Variants in TMEM108 observed in about 807,000 individuals in gnomAD.
TMEM108 encodes transmembrane protein 108.
A neutral mutation model predicts 35.1 loss-of-function variants in TMEM108; 12 were observed. The observed-to-expected ratio is 0.34, with a 90% CI of 0.22 to 0.55. The LOEUF is 0.55. TMEM108 is among the 20% of genes least tolerant of loss of function. TMEM108 has a pLI of 0.89. For synonymous variants in TMEM108, 287 were observed against 308.6 expected, an observed-to-expected ratio of 0.93 and a Z score of 0.73; for missense variants, 680 against 753.3, an observed-to-expected ratio of 0.90 and a Z score of 1.14.
chr3:133,268,702 T>C (rs1946731433), intron 3 of TMEM108, among the ~76,000 whole-genome samples: 2 of 152,194 alleles, frequency 1.3e-5, no homozygotes, highest in African/African-American at 2.4e-5. Context: ...GGAAACCTAC[T>C]GAATACTTCT....
chr3:133,190,742 G>C (rs1945486163), intron 2 of TMEM108, among the ~76,000 whole-genome samples: 1 of 152,194 alleles, frequency 6.6e-6, no homozygotes, highest in South Asian at 2.1e-4. Flanking sequence ...GGTACAAGAA[G>C]AGACCTGGCA....
intron 2 of TMEM108, among the ~76,000 whole-genome samples, chr3:133,209,289 C>T (rs1036605339): frequency 1.1e-4 from 16 of 151,910 alleles, no homozygotes; most frequent in Non-Finnish European, 8.8e-5. Flanking sequence ...GCCTTCCTGC[C>T]TTGGCCTTCC....
intron 3 of TMEM108, among the ~76,000 whole-genome samples, chr3:133,369,667 C>T (rs2072600640): frequency 6.6e-6 from 1 of 152,236 alleles, no homozygotes; most frequent in African/African-American, 2.4e-5. Flanking sequence ...TCCCTCCTCT[C>T]TCTAAGTGGA....
chr3:133,057,433 G>GTA (rs1339944247), intron 2 of TMEM108, among the ~76,000 whole-genome samples: 407 of 24,770 alleles, frequency 0.016, 15 homozygotes, highest in African/African-American at 0.034. Flanking sequence ...GTGTGTGTGT[G>GTA]TGTATATATA....
rs146068519 is a variant in TMEM108, at chr3:133,316,360, T to A, written c.41-63392T>A. On this transcript the variant is annotated intron_variant, in intron 3 of 5. Coordinates refer to ENST00000321871, the MANE Select transcript of TMEM108 (RefSeq NM_023943.4). ...ATGGAAACTGAAAAAAGTACATTTT[T>A]AAAATACCTTTAAAAGAAAGTTGGT... 7.2e-3 allele frequency among the ~76,000 whole-genome samples: 1,095 copies of A among 152,302 alleles called. 15 individuals are homozygous for A. The highest frequency in any genetic ancestry group is 0.025 in the African/African-American group (1,045 of 41,562).
At chr3:133,388,329 TACCTGTG>T in intron 4 of TMEM108, 1 of 982,034 alleles carries the variant, frequency 1.0e-6, no homozygotes, top group Non-Finnish European at 1.2e-6. Context: ...GCCACTCACA[TACCTGTG>T]ACCTGTGGCA....
chr3:133,107,032 T>TA (rs574430303), intron 2 of TMEM108, among the ~76,000 whole-genome samples: 2 of 152,322 alleles, frequency 1.3e-5, no homozygotes, highest in East Asian at 1.9e-4. Context: ...GAACAGATTG[T>TA]AAAAAACTTG....
chr3:133,284,527 C>T (rs1946958450), intron 3 of TMEM108, among the ~76,000 whole-genome samples: 1 of 152,212 alleles, frequency 6.6e-6, no homozygotes, highest in Non-Finnish European at 1.5e-5. Context: ...CAATGGCTGA[C>T]ATTCCTACCT....
At chr3:133,101,523 C>T (rs1370599508) in intron 2 of TMEM108, among the ~76,000 whole-genome samples, 1 of 152,146 alleles carries the variant, frequency 6.6e-6, no homozygotes, top group East Asian at 1.9e-4. Flanking sequence ...CAGTCCTGAC[C>T]TCCCCAACCT....
intron 3 of TMEM108, among the ~76,000 whole-genome samples, chr3:133,362,724 C>T (rs1239488463): frequency 6.6e-6 from 1 of 152,136 alleles, no homozygotes. Flanking sequence ...GAGGCTGATC[C>T]GCTTGTCACA....
chr3:133,246,609 A>G (rs1946389744), intron 3 of TMEM108: 1 of 152,358 alleles, frequency 6.6e-6, no homozygotes, highest in South Asian at 2.1e-4. Context: ...AATCACATAA[A>G]GCAGAGGACC....
intron 2 of TMEM108, among the ~76,000 whole-genome samples, chr3:133,179,221 GT>G (rs1945289926): frequency 6.6e-6 from 1 of 152,070 alleles, no homozygotes; most frequent in Non-Finnish European, 1.5e-5. Context: ...CTGTAAACTA[GT>G]TCAACCATTG....
intron 2 of TMEM108, among the ~76,000 whole-genome samples, chr3:133,186,382 T>A (rs1945421440): frequency 6.6e-6 from 1 of 152,244 alleles, no homozygotes; most frequent in Non-Finnish European, 1.5e-5. Flanking sequence ...ACTGTTCTAT[T>A]ATAAATGCAA....
chr3:133,341,827 A>G (rs1195329617), intron 3 of TMEM108, among the ~76,000 whole-genome samples: 1 of 151,984 alleles, frequency 6.6e-6, no homozygotes, highest in African/African-American at 2.4e-5. Context: ...CTGGATATCC[A>G]TATGCAGAAG....
At chr3:133,339,363 G>T (rs954589423) in intron 3 of TMEM108, among the ~76,000 whole-genome samples, 5 of 151,692 alleles carry the variant, frequency 3.3e-5, no homozygotes, top group Non-Finnish European at 7.4e-5. Context: ...AGACAAAGAA[G>T]GTCACTATAT....
intron 5 of TMEM108, among the ~76,000 whole-genome samples, chr3:133,390,586 G>A (rs996887291): frequency 1.3e-5 from 2 of 152,154 alleles, no homozygotes; most frequent in Non-Finnish European, 2.9e-5. Context: ...TTGGTTTCTG[G>A]GAACAAGTGA....
chr3:133,258,123 C>T (rs1055652400), intron 3 of TMEM108, among the ~76,000 whole-genome samples: 1 of 151,970 alleles, frequency 6.6e-6, no homozygotes, highest in Non-Finnish European at 1.5e-5. Flanking sequence ...GAGGGTGGAT[C>T]CCTCGTGAAT....
chr3:133,216,352 A>G (rs929378782), intron 2 of TMEM108, among the ~76,000 whole-genome samples: 4 of 151,332 alleles, frequency 2.6e-5, no homozygotes, highest in African/African-American at 9.8e-5. Context: ...CAGGTTACTC[A>G]TATCCCTGTG....
At chr3:133,289,572 A>G (rs917601444) in intron 3 of TMEM108, among the ~76,000 whole-genome samples, 2 of 152,202 alleles carry the variant, frequency 1.3e-5, no homozygotes, top group Non-Finnish European at 2.9e-5. Context: ...CATTGAGGGC[A>G]AGCACCATGT....
Sources: allele counts gnomAD v4.1 joint callset (sites outside exome capture counted in the v4.1 genomes callset), GRCh38; gene constraint gnomAD v4.1.1; transcripts MANE v1.5; gene names NCBI Gene and HGNC (gene_info 2026-07-23, HGNC 2026-07-21).